The following EAF2 variants were observed in gnomAD, a reference collection of about 807,000 sequenced individuals.
EAF2 encodes the protein ELL associated factor 2, also known as ELL-associated factor 2.
EAF2 carries 29 observed loss-of-function variants against 29.4 expected under a neutral mutation model. The ratio of observed to expected loss-of-function variants is 0.99; its 90% CI spans 0.73 to 1.35. The LOEUF (loss-of-function observed/expected upper bound fraction) is 1.35, where lower values mean the gene tolerates loss of function less well. EAF2 is among the 40% of genes most tolerant of loss of function. The probability of loss-of-function intolerance (pLI) is 0.00; values close to 1 mark genes in which losing one functional copy is unlikely to be tolerated. For synonymous variants in EAF2, 103 were observed against 102.5 expected (o/e 1.00, Z -0.03); for missense variants, 292 against 312.0 (o/e 0.94, Z 0.48).
At chr3:121,873,515 G>A (rs1709051218) in intron 5 of EAF2, among the ~76,000 whole-genome samples, 1 of 151,598 alleles carries the variant, frequency 6.6e-6, no homozygotes, top group South Asian at 2.1e-4. Context: ...TGACCTAACT[G>A]GTTCACCCCT....
At chr3:121,854,993 T>C (rs1708695099) in intron 3 of EAF2, among the ~76,000 whole-genome samples, 170 bp downstream of exon 3, 1 of 152,184 alleles carries the variant, frequency 6.6e-6, no homozygotes, top group African/African-American at 2.4e-5. Context: ...CAAAAAGCGT[T>C]TTACCACATT....
chr3:121,837,191 A>AGGT (rs1408489409), intron 1 of EAF2, among the ~76,000 whole-genome samples: 6 of 152,230 alleles, frequency 3.9e-5, no homozygotes, highest in African/African-American at 1.4e-4. Flanking sequence ...TTGTTGAAGC[A>AGGT]GGTGTGGTAA....
chr3:121,858,492 C>T (rs1208871126), intron 4 of EAF2, among the ~76,000 whole-genome samples: 3 of 152,238 alleles, frequency 2.0e-5, no homozygotes, highest in Non-Finnish European at 4.4e-5. Context: ...TGTTCATATC[C>T]TTTGCCCACT....
intron 4 of EAF2, among the ~76,000 whole-genome samples, chr3:121,858,736 T>C (rs1426674963): frequency 1.3e-5 from 2 of 152,226 alleles, no homozygotes; most frequent in African/African-American, 4.8e-5. Context: ...AGTCATGAAG[T>C]CCTTGCCCAT....
intron 4 of EAF2, among the ~76,000 whole-genome samples, chr3:121,867,455 A>G (rs1708945643): frequency 6.6e-6 from 1 of 152,234 alleles, no homozygotes; most frequent in South Asian, 2.1e-4. Context: ...CCTATTTCTC[A>G]TCTGAAGCCA....
chr3:121,878,738 C>A (rs1709144544), intron 5 of EAF2, among the ~76,000 whole-genome samples: 1 of 152,072 alleles, frequency 6.6e-6, no homozygotes, highest in South Asian at 2.1e-4. Flanking sequence ...AGATTCCATT[C>A]CTTTTTATGT....
At chr3:121,863,880 T>C (rs751908939) in intron 4 of EAF2, among the ~76,000 whole-genome samples, 1 of 152,126 alleles carries the variant, frequency 6.6e-6, no homozygotes, top group African/African-American at 2.4e-5. Context: ...AATGACTCTT[T>C]AGATATATGT....
intron 1 of EAF2, among the ~76,000 whole-genome samples, chr3:121,843,990 C>T (rs941349766): frequency 2.6e-5 from 4 of 151,890 alleles, no homozygotes; most frequent in African/African-American, 4.8e-5. Context: ...GTAGTAGGCA[C>T]CAAAGGTGCT....
intron 5 of EAF2, among the ~76,000 whole-genome samples, chr3:121,884,221 TC>T (rs1709239054): frequency 6.7e-6 from 1 of 149,828 alleles, no homozygotes; most frequent in Non-Finnish European, 1.5e-5. Context: ...ATGCCTGTAA[TC>T]CCAGCTACTC....
chr3:121,860,522 T>G (rs1708807411), intron 4 of EAF2, among the ~76,000 whole-genome samples: 1 of 152,256 alleles, frequency 6.6e-6, no homozygotes, highest in Non-Finnish European at 1.5e-5. Context: ...GCTATCCCGT[T>G]TATCATTTGT....
At chr3:121,871,464 A>C (rs1559828058) in intron 4 of EAF2, among the ~76,000 whole-genome samples, 1 of 152,014 alleles carries the variant, frequency 6.6e-6, no homozygotes, top group African/African-American at 2.4e-5. Context: ...TACATGCTAA[A>C]ATTTATCTAG....
intron 5 of EAF2, among the ~76,000 whole-genome samples, chr3:121,881,811 T>C (rs915934278): frequency 6.6e-6 from 1 of 152,112 alleles, no homozygotes; most frequent in Non-Finnish European, 1.5e-5. Context: ...GCACCCAGCC[T>C]TAATTATAAT....
chr3:121,881,846 A>C (rs772634455), intron 5 of EAF2, among the ~76,000 whole-genome samples: 3 of 152,248 alleles, frequency 2.0e-5, no homozygotes, highest in Non-Finnish European at 4.4e-5. Flanking sequence ...TATTCCAGTA[A>C]ATTTGACATA....
chr3:121,864,367 C>A (rs548514682), intron 4 of EAF2, among the ~76,000 whole-genome samples: 1 of 152,138 alleles, frequency 6.6e-6, no homozygotes, highest in Non-Finnish European at 1.5e-5. Context: ...GAACCCTTGG[C>A]GATACAACGG....
At chr3:121,841,852 A>G (rs1422510471) in intron 1 of EAF2, among the ~76,000 whole-genome samples, 3 of 151,998 alleles carry the variant, frequency 2.0e-5, no homozygotes, top group South Asian at 2.1e-4. Context: ...CTGAAAATAC[A>G]AAAATTAGCC....
At chr3:121,884,399 G>A (rs1311504016) in intron 5 of EAF2, among the ~76,000 whole-genome samples, 1 of 150,616 alleles carries the variant, frequency 6.6e-6, no homozygotes, top group Non-Finnish European at 1.5e-5. Context: ...CAGATGCACA[G>A]AAGAAGTTTT....
intron 2 of EAF2, among the ~76,000 whole-genome samples, chr3:121,845,639 T>A (rs1386025478): frequency 6.6e-6 from 1 of 152,002 alleles, no homozygotes; most frequent in East Asian, 1.9e-4. Flanking sequence ...TAGATTTAGA[T>A]TTCTTAGATT....
chr3:121,842,294 C>T (rs1020077080), intron 1 of EAF2, among the ~76,000 whole-genome samples: 1 of 152,140 alleles, frequency 6.6e-6, no homozygotes, highest in African/African-American at 2.4e-5. Context: ...TTTTATGAGG[C>T]AGTTACTTCA....
chr3:121,884,156 G>A lies in EAF2; in HGVS notation c.737-2186G>A, dbSNP rs144567542. Among the ~76,000 whole-genome samples, 594 of 151,850 alleles carry A rather than the reference G, an allele frequency of 3.9e-3. 4 individuals carry two copies. Among genetic ancestry groups the A allele is most frequent in the Middle Eastern group, 0.034 (10 of 294 alleles). On this transcript the variant is annotated intron_variant, in intron 5 of 5. Coordinates refer to ENST00000273668, the MANE Select transcript of EAF2 (RefSeq NM_018456.6). Reference sequence around the variant, plus strand: ...AGTTCGAGACCAGCCTGGCCAACATGGTGAAACCCTGACTCTACTAAAAAT... The same window carrying A: ...AGTTCGAGACCAGCCTGGCCAACATAGTGAAACCCTGACTCTACTAAAAAT...
Sources: gnomAD v4.1 joint callset for allele counts (sites outside exome capture counted in the v4.1 genomes callset) on GRCh38, gnomAD v4.1.1 for gene constraint, MANE v1.5 for transcripts, NCBI Gene and HGNC (gene_info 2026-07-23, HGNC 2026-07-21) for gene names.